The following MDGA2 variants were observed in gnomAD, a reference collection of about 807,000 sequenced individuals.
The protein encoded by MDGA2 is MAM domain-containing glycosylphosphatidylinositol anchor protein 2.
Under a neutral mutation model 117.8 loss-of-function variants are expected in MDGA2, and 40 were observed. That is an observed-to-expected ratio of 0.34 (90% confidence interval 0.26 to 0.44). The LOEUF is 0.44. Among genes scored for constraint, MDGA2 ranks in the 20% least tolerant of loss-of-function variants. The probability of loss-of-function intolerance (pLI) is 1.00; values close to 1 mark genes in which losing one functional copy is unlikely to be tolerated. For missense variants in MDGA2, 1,123 were observed against 1,250.6 expected (o/e 0.90, Z 1.54); for synonymous variants, 452 against 439.0 (o/e 1.03, Z -0.37).
At chr14:47,630,102 A>G (rs79386570) in intron 1 of MDGA2, among the ~76,000 whole-genome samples, 12,653 of 152,062 alleles carry the variant, frequency 0.083, 1,399 homozygotes, top group African/African-American at 0.24. Context: ...AAGGATGTAT[A>G]CCATTTTTGT....
At chr14:47,468,839 A>C (rs1893657897) in intron 1 of MDGA2, among the ~76,000 whole-genome samples, 1 of 152,126 alleles carries the variant, frequency 6.6e-6, no homozygotes, top group Admixed American at 6.5e-5. Context: ...GTGTGAGCAT[A>C]CAAGGAATCT....
At chr14:47,610,718 T>A (rs757685168) in intron 1 of MDGA2, among the ~76,000 whole-genome samples, 2 of 152,084 alleles carry the variant, frequency 1.3e-5, no homozygotes, top group African/African-American at 2.4e-5. Context: ...CCCATGCTCA[T>A]GGATGGGGAG....
At chr14:47,420,318 A>C (rs1166399778) in intron 1 of MDGA2, among the ~76,000 whole-genome samples, 1 of 152,146 alleles carries the variant, frequency 6.6e-6, no homozygotes, top group Non-Finnish European at 1.5e-5. Context: ...AAAGAATTCA[A>C]ATGTGGAAGG....
chr14:47,163,705 C>T (rs1350562420), intron 3 of MDGA2, among the ~76,000 whole-genome samples: 3 of 152,162 alleles, frequency 2.0e-5, no homozygotes, highest in Admixed American at 6.5e-5. Context: ...TGTGTTTCAG[C>T]ACGAGGAGGA....
chr14:47,012,131 A>G (rs1421867454), intron 8 of MDGA2, among the ~76,000 whole-genome samples: 1 of 152,092 alleles, frequency 6.6e-6, no homozygotes, highest in Non-Finnish European at 1.5e-5. Flanking sequence ...AAAAATGCAA[A>G]AGTGAATTAA....
intron 1 of MDGA2, among the ~76,000 whole-genome samples, chr14:47,653,167 T>C (rs1350658640): frequency 6.6e-6 from 1 of 152,170 alleles, no homozygotes; most frequent in Non-Finnish European, 1.5e-5. Flanking sequence ...TAAGGTCTTT[T>C]AAAATAGAAA....
intron 3 of MDGA2, among the ~76,000 whole-genome samples, chr14:47,208,628 C>T (rs910572565): frequency 6.0e-5 from 9 of 151,110 alleles, no homozygotes; most frequent in East Asian, 3.9e-4. Context: ...CTCCATGAAC[C>T]GCCTGGAAAT....
intron 2 of MDGA2, among the ~76,000 whole-genome samples, chr14:47,242,489 C>T (rs1335472290): frequency 6.6e-6 from 1 of 151,864 alleles, no homozygotes; most frequent in Non-Finnish European, 1.5e-5. Context: ...GCTTGCGGGG[C>T]AGCTGGAGTT....
intron 14 of MDGA2, among the ~76,000 whole-genome samples, chr14:46,866,704 A>C (rs547576694): frequency 1.3e-5 from 2 of 152,034 alleles, no homozygotes; most frequent in Admixed American, 1.3e-4. Context: ...AGAAAAAAAA[A>C]AACAACCCCA....
Position 47,282,717 on chromosome 14 carries a change from A to AC in MDGA2, c.420+18693_420+18694insG, listed in dbSNP as rs1357214206. Among the ~76,000 whole-genome samples the AC allele has an allele frequency of 4.4e-3, 651 of 148,138 alleles. 8 individuals carry two copies. Among genetic ancestry groups the AC allele is most frequent in the African/African-American group, 0.013 (524 of 40,862 alleles). Reference sequence around the variant, plus strand: ...GTCTCAAAAAAAAAAACAAAAAACAAAAAACAAAAAACAGGTAATCAGTTC... The same window carrying AC: ...GTCTCAAAAAAAAAAACAAAAAACAACAAAACAAAAAACAGGTAATCAGTTC... On this transcript the variant is annotated intron_variant, in intron 2 of 16. Coordinates refer to ENST00000399232, the MANE Select transcript of MDGA2 (RefSeq NM_001113498.3).
intron 8 of MDGA2, among the ~76,000 whole-genome samples, chr14:46,974,086 A>G (rs1443157652): frequency 3.3e-5 from 5 of 151,204 alleles, no homozygotes; most frequent in Non-Finnish European, 7.4e-5. Flanking sequence ...TGAAAAAGAA[A>G]TTACAAAAAA....
At chr14:47,031,773 T>G (rs2138632821) in intron 8 of MDGA2, among the ~76,000 whole-genome samples, 1 of 152,260 alleles carries the variant, frequency 6.6e-6, no homozygotes. Context: ...ATGAGACGTA[T>G]TCATTTAAAA....
intron 2 of MDGA2, among the ~76,000 whole-genome samples, chr14:47,284,747 G>C (rs1289259370): frequency 6.6e-6 from 1 of 151,948 alleles, no homozygotes; most frequent in African/African-American, 2.4e-5. Context: ...AGAACCTGGA[G>C]TGGCCTTATT....
intron 5 of MDGA2, among the ~76,000 whole-genome samples, chr14:47,121,417 T>A (rs1881645437): frequency 6.6e-6 from 1 of 152,016 alleles, no homozygotes. Flanking sequence ...TATACAATAT[T>A]TTATATTTAC....
intron 8 of MDGA2, among the ~76,000 whole-genome samples, chr14:47,010,880 CATTATA>C (rs1195150086): frequency 9.9e-5 from 15 of 151,920 alleles, no homozygotes; most frequent in Admixed American, 9.2e-4. Flanking sequence ...CTTGGTACCT[CATTATA>C]ATTAAATAAA....
intron 2 of MDGA2, among the ~76,000 whole-genome samples, chr14:47,249,264 G>A (rs1266270721): frequency 6.6e-6 from 1 of 151,702 alleles, no homozygotes; most frequent in Non-Finnish European, 1.5e-5. Context: ...TGATCTGCCC[G>A]CCTCAGCCTC....
chr14:47,200,356 G>A (rs1227386209), intron 3 of MDGA2, among the ~76,000 whole-genome samples: 1 of 151,526 alleles, frequency 6.6e-6, no homozygotes, highest in South Asian at 2.1e-4. Flanking sequence ...CAGAATGAAC[G>A]AAACAATTTA....
At chr14:47,096,534 C>G (rs762896073) in intron 6 of MDGA2, among the ~76,000 whole-genome samples, 1 of 151,816 alleles carries the variant, frequency 6.6e-6, no homozygotes, top group East Asian at 1.9e-4. Context: ...GTATATTTTA[C>G]ACAGTGAATG....
intron 8 of MDGA2, among the ~76,000 whole-genome samples, chr14:47,011,661 ACT>A (rs1887899577): frequency 6.6e-6 from 1 of 151,984 alleles, no homozygotes; most frequent in Non-Finnish European, 1.5e-5. Context: ...AAAAAATGAC[ACT>A]GTTAAATGCA....
Sources: gnomAD v4.1 joint callset for allele counts (sites outside exome capture counted in the v4.1 genomes callset) on GRCh38, gnomAD v4.1.1 for gene constraint, MANE v1.5 for transcripts, NCBI Gene and HGNC (gene_info 2026-07-23, HGNC 2026-07-21) for gene names.